The following TMEM176B variants were observed in gnomAD, a reference collection of about 807,000 sequenced individuals.
The protein encoded by TMEM176B is LR8-like protein.
Under a neutral mutation model 30.3 loss-of-function variants are expected in TMEM176B, and 28 were observed. That is an observed-to-expected ratio of 0.92 (90% CI 0.68 to 1.27). The LOEUF is 1.27. TMEM176B is among the 50% of genes most tolerant of loss of function. TMEM176B has a pLI of 0.00. For synonymous variants in TMEM176B, 123 were observed against 130.3 expected, an observed-to-expected ratio of 0.94 and a Z score of 0.38; for missense variants, 349 against 327.4, an observed-to-expected ratio of 1.07 and a Z score of -0.51.
chr7:150,796,374 C>T lies in TMEM176B; in HGVS notation c.196G>A (p.Ala66Thr), dbSNP rs1279301460. 2.5e-6 allele frequency: 4 copies of T among 1,614,098 alleles called. No homozygotes were observed. The highest frequency in any genetic ancestry group is 1.3e-5 in the African/African-American group (1 of 74,936). Residue 66 changes from alanine to threonine, a missense_variant, in exon 2 of 7, where the codon GCT (alanine) becomes ACT (threonine). Ala to Thr is a moderately conservative substitution (Grantham distance 58). Transcript: ENST00000326442. The stretch of plus-strand genomic sequence containing the variant: ...CACCACCCCAGTCTTACCCCTAGAG[C>T]CAGCTGCTCATAACCAATCCTGGCT... ...STARIGYEQLALGVTQILLGV... is the reference protein window; with the variant it reads ...STARIGYEQLTLGVTQILLGV...
At position 150,791,384 on chromosome 7, in the gene TMEM176B, T is replaced by A; in HGVS notation, c.*147A>T. On this transcript the variant is annotated 3_prime_UTR_variant, in exon 7 of 7. Coordinates refer to ENST00000326442, the MANE Select transcript of TMEM176B (RefSeq NM_001101312.2). ...GTTCATGGACTTGAGAACCCCAGAGTGGGAACAGCAGGTGCGGATGTGGGG... is the reference window on the plus strand; with the variant it reads ...GTTCATGGACTTGAGAACCCCAGAGAGGGAACAGCAGGTGCGGATGTGGGG... 5.1e-6 allele frequency: 3 copies of A among 582,608 alleles called. No homozygotes were observed. Among genetic ancestry groups the A allele is most frequent in the Non-Finnish European group, 6.1e-6 (2 of 328,870 alleles). 36.1% of individuals were successfully genotyped at this position (582,608 alleles called of 1,614,324 possible). A position where few individuals can be genotyped will look rare whatever the true frequency, so the allele number is the denominator to read the frequency against.
In TMEM176B at chr7:150,793,264, C is replaced by G. The variant is rs754278336; in HGVS notation, c.424G>C (p.Ala142Pro). Residue 142 changes from alanine (A) to proline (P), a missense_variant, in exon 5 of 7, where the codon GCT (alanine) becomes CCT (proline). Transcript: ENST00000326442. ...TLAGFATAMA[A>P]VVLCVNSFIW... ...AAGCTATTCACGCAGAGGACAACAGCAGCCATAGCTGTAGCAAAGCCTGCC... is the reference window on the plus strand; with the variant it reads ...AAGCTATTCACGCAGAGGACAACAGGAGCCATAGCTGTAGCAAAGCCTGCC... The G allele has an allele frequency of 2.5e-6, 4 of 1,614,072 alleles. No individual in the cohort carries two copies. The highest frequency in any genetic ancestry group is 1.3e-5 in the African/African-American group (1 of 74,916).
chr7:150,793,911 G>C, intron 3 of TMEM176B, 50 bp downstream of exon 3: 1 of 1,456,880 alleles, frequency 6.9e-7, no homozygotes, highest in East Asian at 2.3e-5. Flanking sequence ...GCGCCTTCTT[G>C]CCCATCACCA....
At chr7:150,796,696 C>T (rs1242559514) in intron 1 of TMEM176B, 122 bp from the exon 2 acceptor site, 43 of 956,176 alleles carry the variant, frequency 4.5e-5, no homozygotes, top group African/African-American at 2.1e-4. Context: ...CAATAGCTCA[C>T]GCCTGTAATC....
chr7:150,795,586 G>A (rs529612037), intron 2 of TMEM176B, among the ~76,000 whole-genome samples: 1 of 152,154 alleles, frequency 6.6e-6, no homozygotes, highest in Non-Finnish European at 1.5e-5. Context: ...TCTGTAGCTT[G>A]GCCTGAAGTG....
chr7:150,796,471 C>G lies in TMEM176B; in HGVS notation c.99G>C (p.Leu33Phe). 1 of 1,614,162 alleles carries G rather than the reference C, an allele frequency of 6.2e-7. No homozygotes were observed. Among genetic ancestry groups the G allele is most frequent in the Non-Finnish European group, 8.5e-7 (1 of 1,180,022 alleles). ...AACCTCCAGCTTTCAGCAGTTGTGT[C>G]AAAGCTGACTCCTGGTGGATGTGGA... ...VNVHIHQESA[L>F]TQLLKAGGSL... Residue 33 changes from leucine (L) to phenylalanine (F), a missense_variant, in exon 2 of 7, where the codon TTG (leucine) becomes TTC (phenylalanine). Leu to Phe is a conservative substitution (Grantham distance 22, BLOSUM62 0). Coordinates refer to ENST00000326442, the MANE Select transcript of TMEM176B (RefSeq NM_001101312.2).
At chr7:150,793,934 C>T (rs1182989786) in intron 3 of TMEM176B, 27 bp downstream of exon 3, 1 of 1,553,736 alleles carries the variant, frequency 6.4e-7, no homozygotes, top group South Asian at 1.2e-5. Flanking sequence ...TGCCTCCCTC[C>T]AGGCTCACAG....
chr7:150,795,307 A>G (rs892546839), intron 2 of TMEM176B, among the ~76,000 whole-genome samples: 2 of 152,166 alleles, frequency 1.3e-5, no homozygotes, highest in African/African-American at 4.8e-5. Flanking sequence ...CATGAAGCCC[A>G]TTCCCTTTAC....
In TMEM176B at chr7:150,796,371, G is replaced by T; in HGVS notation, c.199C>A (p.Leu67Ile). Reference sequence around the variant, plus strand: ...CCGCACCACCCCAGTCTTACCCCTAGAGCCAGCTGCTCATAACCAATCCTG... The same window carrying T: ...CCGCACCACCCCAGTCTTACCCCTATAGCCAGCTGCTCATAACCAATCCTG... ...TARIGYEQLA[L>I]GVTQILLGVV... Residue 67 changes from leucine (L) to isoleucine (I), a missense_variant, in exon 2 of 7, where the codon CTA becomes ATA. Physicochemically the swap from Leu to Ile is conservative, Grantham distance 5 (BLOSUM62 2). Transcript: ENST00000326442. 5.6e-6 allele frequency: 9 copies of T among 1,614,108 alleles called. No homozygotes were observed. The highest frequency in any genetic ancestry group is 7.6e-6 in the Non-Finnish European group (9 of 1,180,010).
chr7:150,792,060 G>T lies in TMEM176B; in HGVS notation c.716C>A (p.Pro239His), dbSNP rs1030509673. The T allele has an allele frequency of 1.2e-6, 2 of 1,613,532 alleles. No homozygotes were observed. The highest frequency in any genetic ancestry group is 2.7e-5 in the African/African-American group (2 of 74,832). ...GGCCCCTCCCCGACAACTCACCAGG[G>T]GCTGGGAGCTCTGGCCACACAAGTT... ...LRNLCGQSSQ[P>H]LNEEGSEKRL... Residue 239 changes from proline to histidine, a missense_variant, in exon 6 of 7, where the codon CCC (proline) becomes CAC (histidine). By Grantham distance (77) the Pro-to-His change is moderately conservative. Coordinates refer to ENST00000326442, the MANE Select transcript of TMEM176B (RefSeq NM_001101312.2).
At chr7:150,799,133 AG>A (rs1798655977) in intron 1 of TMEM176B, among the ~76,000 whole-genome samples, 1 of 152,234 alleles carries the variant, frequency 6.6e-6, no homozygotes, top group East Asian at 1.9e-4. Context: ...CGCCGTTGGG[AG>A]ACACGGATCC....
intron 2 of TMEM176B, among the ~76,000 whole-genome samples, chr7:150,795,213 G>A (rs544920660): frequency 6.0e-4 from 92 of 152,208 alleles, no homozygotes; most frequent in South Asian, 2.1e-3. Context: ...CATTGACAGC[G>A]TTCTCACTGT....
upstream of TMEM176B, chr7:150,800,836 G>C (rs1293847438): frequency 6.1e-6 from 5 of 817,614 alleles, no homozygotes; most frequent in African/African-American, 9.3e-5. Flanking sequence ...CAGGTGAGGC[G>C]GCACCCCACT....
intron 1 of TMEM176B, among the ~76,000 whole-genome samples, chr7:150,797,292 T>C (rs1275790119): frequency 6.6e-6 from 1 of 152,230 alleles, no homozygotes; most frequent in Non-Finnish European, 1.5e-5. Flanking sequence ...GATGCTGTGA[T>C]CACACGATCA....
intron 3 of TMEM176B, 68 bp downstream of exon 3, chr7:150,793,893 A>T: frequency 2.2e-6 from 3 of 1,371,058 alleles, no homozygotes; most frequent in Non-Finnish European, 3.0e-6. Flanking sequence ...CCCAACCAAG[A>T]TCCATAAGCG....
chr7:150,800,317 C>T lies in TMEM176B; in HGVS notation c.-25G>A, dbSNP rs557606720. 6.6e-6 allele frequency: 1 copy of T among 152,316 alleles called. No individual in the cohort carries two copies. Among genetic ancestry groups the T allele is most frequent in the African/African-American group, 2.4e-5 (1 of 41,454 alleles). The allele number at this position is 152,316 out of a possible 1,614,324, so 9.4% of individuals were successfully genotyped here. On this transcript the variant is annotated 5_prime_UTR_variant, in exon 1 of 7. Coordinates refer to ENST00000326442, the MANE Select transcript of TMEM176B (RefSeq NM_001101312.2). ...CCTCACCTGCAGTCCTCCGGGAGCC[C>T]GCGGCCGAGCAGAGCGGACACTAGC...
rs1414214457 is a variant in TMEM176B at position 150,791,565 on chromosome 7, G to A, written c.779C>T (p.Ser260Phe). Residue 260 changes from serine (S) to phenylalanine (F), a missense_variant, in exon 7 of 7, where the codon TCT (serine) becomes TTT (phenylalanine). Coordinates refer to ENST00000326442, the MANE Select transcript of TMEM176B (RefSeq NM_001101312.2). Reference sequence around the variant, plus strand: ...AATGGCAGTGGAGGTCTGCTCCCTAGAGGGCGAAGGGGGCACTGAATTCTC... The same window carrying A: ...AATGGCAGTGGAGGTCTGCTCCCTAAAGGGCGAAGGGGGCACTGAATTCTC... ...LGENSVPPSP[S>F]REQTSTAIVL The A allele has an allele frequency of 2.5e-6, 4 of 1,614,008 alleles. No individual in the cohort carries two copies. Among genetic ancestry groups the A allele is most frequent in the Non-Finnish European group, 3.4e-6 (4 of 1,179,970 alleles).
chr7:150,792,241 C>T, intron 5 of TMEM176B, 66 bp from the exon 6 acceptor site: 2 of 1,589,514 alleles, frequency 1.3e-6, no homozygotes, highest in Non-Finnish European at 1.7e-6. Flanking sequence ...ACATCACCAC[C>T]CTCTCCACCC....
chr7:150,798,309 T>C (rs12668631), intron 1 of TMEM176B, among the ~76,000 whole-genome samples: 43,383 of 152,066 alleles, frequency 0.29, 6,709 homozygotes, highest in African/African-American at 0.39. Context: ...TTTTTTGAGA[T>C]GGAGTCTCGC....
Sources: gnomAD v4.1 joint callset for allele counts (sites outside exome capture counted in the v4.1 genomes callset) on GRCh38, gnomAD v4.1.1 for gene constraint, MANE v1.5 for transcripts, NCBI Gene and HGNC (gene_info 2026-07-23, HGNC 2026-07-21) for gene names.